MTA3: variants seen among roughly 807,000 people sequenced by gnomAD.
The protein encoded by MTA3 is metastasis associated 1 family member 3.
Under a neutral mutation model 83.5 loss-of-function variants are expected in MTA3, and 34 were observed. The ratio of observed to expected loss-of-function variants is 0.41; its 90% CI spans 0.31 to 0.54. MTA3 has a LOEUF of 0.54. MTA3 is among the 20% of genes least tolerant of loss of function. The pLI, the probability that MTA3 is intolerant of heterozygous loss-of-function variation, is 0.33. For missense variants in MTA3, 761 were observed against 726.4 expected, an observed-to-expected ratio of 1.05 and a Z score of -0.55; for synonymous variants, 303 against 252.7, an observed-to-expected ratio of 1.20 and a Z score of -1.89.
rs567432359 is a variant in MTA3 at position 42,498,090 on chromosome 2, C to T, written c.-141+2836C>T. On this transcript the variant is annotated intron_variant, in intron 2 of 17. Coordinates refer to the MTA3 transcript ENST00000405592. ...CCAAAGCTTTAGAAATTGAAATACCCTGTGGGCACTACTGTTCCATGCAGC... is the reference window on the plus strand; with the variant it reads ...CCAAAGCTTTAGAAATTGAAATACCTTGTGGGCACTACTGTTCCATGCAGC... Among the ~76,000 whole-genome samples, 4 of 152,320 alleles carry T rather than the reference C, an allele frequency of 2.6e-5. No individual in the cohort carries two copies. In the East Asian group the frequency reaches 5.8e-4, roughly 22 times the overall value.
At chr2:42,630,880 T>C (rs1686607567) in intron 4 of MTA3, among the ~76,000 whole-genome samples, 1 of 152,220 alleles carries the variant, frequency 6.6e-6, no homozygotes, top group Non-Finnish European at 1.5e-5. Context: ...TTTATGTCTA[T>C]TGAGACCTTT....
chr2:42,509,308 G>A (rs1386039236), intron 2 of MTA3, among the ~76,000 whole-genome samples: 1 of 152,122 alleles, frequency 6.6e-6, no homozygotes, highest in Non-Finnish European at 1.5e-5. Context: ...CTCCCAGAGT[G>A]CCGGGATTAC....
At chr2:42,593,249 G>A (rs1681254984) in intron 3 of MTA3, among the ~76,000 whole-genome samples, 1 of 152,016 alleles carries the variant, frequency 6.6e-6, no homozygotes, top group African/African-American at 2.4e-5. Context: ...CCCTTTGGGA[G>A]GCCGAGGTGG....
intron 2 of MTA3, among the ~76,000 whole-genome samples, chr2:42,556,576 C>T (rs1377972535): frequency 1.3e-5 from 2 of 152,198 alleles, no homozygotes; most frequent in African/African-American, 2.4e-5. Flanking sequence ...GAGTCACTCC[C>T]TCCCTCAAGT....
chr2:42,682,955 C>G (rs924165006), intron 9 of MTA3, among the ~76,000 whole-genome samples: 4 of 152,026 alleles, frequency 2.6e-5, no homozygotes, highest in Non-Finnish European at 4.4e-5. Flanking sequence ...GCCTGTAGCC[C>G]GAGCTACTGA....
At chr2:42,721,731 A>G (rs1667424146) in intron 15 of MTA3, among the ~76,000 whole-genome samples, 1 of 152,164 alleles carries the variant, frequency 6.6e-6, no homozygotes, top group Non-Finnish European at 1.5e-5. Flanking sequence ...AGGTAGAAAA[A>G]TAGGAAAAGC....
chr2:42,617,593 A>G (rs896112576), intron 4 of MTA3, among the ~76,000 whole-genome samples: 1 of 151,992 alleles, frequency 6.6e-6, no homozygotes, highest in Non-Finnish European at 1.5e-5. Context: ...CCTGACCAAC[A>G]TGGTGAAACC....
intron 2 of MTA3, among the ~76,000 whole-genome samples, chr2:42,520,467 G>A (rs6716441): frequency 0.37 from 56,003 of 151,958 alleles, 10,500 homozygotes; most frequent in African/African-American, 0.43. Context: ...GAGAGCAGTG[G>A]GGTGTAATGA....
chr2:42,599,763 TA>T (rs1682321205), intron 3 of MTA3, among the ~76,000 whole-genome samples: 1 of 152,178 alleles, frequency 6.6e-6, no homozygotes, highest in African/African-American at 2.4e-5. Flanking sequence ...TTTTTGTCAT[TA>T]AGGTATAATA....
intron 4 of MTA3, among the ~76,000 whole-genome samples, chr2:42,613,185 C>T (rs1315881108): frequency 6.6e-6 from 1 of 152,152 alleles, no homozygotes; most frequent in East Asian, 1.9e-4. Context: ...TACTGTTGAA[C>T]ACATTTCCTG....
At chr2:42,526,284 C>G (rs1014430532) in intron 2 of MTA3, among the ~76,000 whole-genome samples, 1 of 152,126 alleles carries the variant, frequency 6.6e-6, no homozygotes, top group African/African-American at 2.4e-5. Flanking sequence ...AAGCTGGTCT[C>G]AAACTCCTGT....
intron 2 of MTA3, among the ~76,000 whole-genome samples, chr2:42,554,246 G>A (rs77853841): frequency 0.023 from 3,484 of 152,104 alleles, 124 homozygotes; most frequent in African/African-American, 0.08. Context: ...AAAAAATAAA[G>A]TAAAATAAAC....
chr2:42,736,808 T>C (rs1276762985), intron 16 of MTA3, among the ~76,000 whole-genome samples: 1 of 152,208 alleles, frequency 6.6e-6, no homozygotes, highest in Non-Finnish European at 1.5e-5. Context: ...CTGCTGATTA[T>C]TCAGGGCCCA....
At chr2:42,665,323 T>A (rs139816849) in intron 8 of MTA3, among the ~76,000 whole-genome samples, 3,340 of 151,758 alleles carry the variant, frequency 0.022, 132 homozygotes, top group African/African-American at 0.077. Flanking sequence ...ATCAGGGAGG[T>A]GGAGGTTGCA....
At chr2:42,507,626 GAAA>G (rs759165343) in intron 2 of MTA3, among the ~76,000 whole-genome samples, 1 of 139,764 alleles carries the variant, frequency 7.2e-6, no homozygotes. Context: ...TGTTTTTAAT[GAAA>G]AAAAAAAAGG....
At chr2:42,686,955 C>CA (rs777631048) in intron 9 of MTA3, among the ~76,000 whole-genome samples, 3,114 of 105,380 alleles carry the variant, frequency 0.03, 70 homozygotes, top group African/African-American at 0.071. Context: ...CCCATCTCTA[C>CA]AAAAAAAAAA....
chr2:42,505,429 C>T (rs942795281), intron 2 of MTA3, among the ~76,000 whole-genome samples: 1 of 151,992 alleles, frequency 6.6e-6, no homozygotes, highest in South Asian at 2.1e-4. Context: ...ACTGACTCAC[C>T]TAAGGTTCCA....
At chr2:42,635,949 A>G (rs1687151516) in intron 4 of MTA3, among the ~76,000 whole-genome samples, 1 of 152,090 alleles carries the variant, frequency 6.6e-6, no homozygotes, top group Admixed American at 6.5e-5. Flanking sequence ...ATATTTTAGT[A>G]GAGATGGAGT....
Position 42,754,483 on chromosome 2 carries a change from G to A in MTA3, c.*1084G>A, listed in dbSNP as rs764123069. 58 of 985,362 alleles carry A rather than the reference G, an allele frequency of 5.9e-5. No individual in the cohort carries two copies. Among genetic ancestry groups the A allele is most frequent in the East Asian group, 1.1e-4 (1 of 8,814 alleles). The allele number at this position is 985,362 out of a possible 1,614,324, so 61.0% of individuals were successfully genotyped here. ...CGTGTTTCCCACCTGCCCTCGGCAC[G>A]AGCCCTTGGTGGCATCACAGTTGGC... On this transcript the variant is annotated 3_prime_UTR_variant, in exon 17 of 17. Coordinates refer to ENST00000405094, the MANE Select transcript of MTA3 (RefSeq NM_001330442.2).
Sources: gnomAD v4.1 joint callset for allele counts (sites outside exome capture counted in the v4.1 genomes callset) on GRCh38, gnomAD v4.1.1 for gene constraint, MANE v1.5 for transcripts, NCBI Gene and HGNC (gene_info 2026-07-23, HGNC 2026-07-21) for gene names.